PEX1: variants seen among roughly 807,000 people sequenced by gnomAD.
PEX1 encodes peroxisomal biogenesis factor 1.
PEX1 carries 97 observed loss-of-function variants against 152.5 expected under a neutral mutation model. The ratio of observed to expected loss-of-function variants is 0.64; its 90% CI spans 0.54 to 0.75. The LOEUF (loss-of-function observed/expected upper bound fraction) is 0.75. PEX1 is among the 30% of genes least tolerant of loss of function. PEX1 has a pLI of 0.00. For missense variants in PEX1, 1,357 were observed against 1,516.3 expected (o/e 0.89, Z 1.74); for synonymous variants, 485 against 531.6 (o/e 0.91, Z 1.21).
chr7:92,501,789 A>C (rs1255924776), intron 14 of PEX1, 101 bp downstream of exon 14: 1 of 1,364,432 alleles, frequency 7.3e-7, no homozygotes, highest in East Asian at 2.3e-5. Context: ...CTGCTTATTC[A>C]AATACTACAA....
chr7:92,522,708 A>G (rs554114335), intron 1 of PEX1, among the ~76,000 whole-genome samples: 6 of 152,356 alleles, frequency 3.9e-5, no homozygotes, highest in African/African-American at 7.2e-5. Context: ...CTATTTTAAC[A>G]TATACGTTAA....
At position 92,518,236 on chromosome 7, in the gene PEX1, A is replaced by G; in HGVS notation, c.377T>C (p.Leu126Pro). Reference sequence around the variant, plus strand: ...AATTTGATCTAGAAGATGTTGTTCAAGGGAAACAGCATGCAGCTCCTAGAA... The same window carrying G: ...AATTTGATCTAGAAGATGTTGTTCAGGGGAAACAGCATGCAGCTCCTAGAA... ...WEILELHAVSLEQHLLDQIRI... is the reference protein window; with the variant it reads ...WEILELHAVSPEQHLLDQIRI... Residue 126 changes from leucine (L) to proline (P), a missense_variant, in exon 4 of 24, where the codon CTT (leucine) becomes CCT (proline). Physicochemically the swap from Leu to Pro is moderately conservative, Grantham distance 98 (BLOSUM62 -3). Transcript: ENST00000248633. 1 of 1,610,654 alleles carries G rather than the reference A, an allele frequency of 6.2e-7. No individual in the cohort carries two copies. Among genetic ancestry groups the G allele is most frequent in the Non-Finnish European group, 8.5e-7 (1 of 1,176,804 alleles).
intron 1 of PEX1, among the ~76,000 whole-genome samples, chr7:92,525,670 A>G (rs1184813198): frequency 6.6e-6 from 1 of 152,222 alleles, no homozygotes; most frequent in Non-Finnish European, 1.5e-5. Flanking sequence ...AGCCCCCAAA[A>G]CAAAAAATTA....
intron 20 of PEX1, among the ~76,000 whole-genome samples, chr7:92,492,611 A>AT (rs1791397994): frequency 6.6e-6 from 1 of 152,206 alleles, no homozygotes; most frequent in African/African-American, 2.4e-5. Context: ...TTAACTGATT[A>AT]TTTTTTAAAA....
chr7:92,518,758 C>T (rs1442889080), intron 3 of PEX1, among the ~76,000 whole-genome samples: 16 of 151,994 alleles, frequency 1.1e-4, no homozygotes, highest in African/African-American at 1.7e-4. Flanking sequence ...TTAGTAGATA[C>T]GGGGTTTCAC....
At chr7:92,508,658 C>A (rs1278769442) in intron 9 of PEX1, among the ~76,000 whole-genome samples, 1 of 152,102 alleles carries the variant, frequency 6.6e-6, no homozygotes, top group Non-Finnish European at 1.5e-5. Flanking sequence ...GAAATCAAAT[C>A]CCTACTACTA....
intron 20 of PEX1, among the ~76,000 whole-genome samples, chr7:92,492,676 T>G (rs2116071846): frequency 6.6e-6 from 1 of 152,350 alleles, no homozygotes; most frequent in East Asian, 1.9e-4. Context: ...AGTATTTAAT[T>G]CATGGTATCC....
chr7:92,519,766 C>T (rs1324677254), intron 2 of PEX1, among the ~76,000 whole-genome samples: 3 of 152,120 alleles, frequency 2.0e-5, no homozygotes, highest in Non-Finnish European at 4.4e-5. Context: ...TAATACCCTC[C>T]TATTATAGTT....
chr7:92,504,815 T>G lies in PEX1; in HGVS notation c.1988A>C (p.Asp663Ala). 1 of 1,614,020 alleles carries G rather than the reference T, an allele frequency of 6.2e-7. No homozygotes were observed. Among genetic ancestry groups the G allele is most frequent in the Non-Finnish European group, 8.5e-7 (1 of 1,179,904 alleles). ...WMQPSVVLLDDLDLIAGLPAV... is the reference protein window; with the variant it reads ...WMQPSVVLLDALDLIAGLPAV... ...AGGCAGTCCAGCAATGAGGTCAAGG[T>G]CATCCAGCAGGACAACAGATGGCTG... is the stretch of plus-strand genomic sequence containing the variant. The change falls in exon 12 of 24, where the codon GAC becomes GCC. Residue 663 changes from aspartate to alanine, a missense_variant. By Grantham distance (126) the Asp-to-Ala change is moderately radical. Coordinates refer to ENST00000248633, the MANE Select transcript of PEX1 (RefSeq NM_000466.3).
chr7:92,487,406 T>C lies in PEX1; in HGVS notation c.*51A>G, dbSNP rs769635792. 1.1e-6 allele frequency: 1 copy of C among 945,416 alleles called. No homozygotes were observed. The highest frequency in any genetic ancestry group is 2.0e-5 in the Admixed American group (1 of 50,856). The allele number at this position is 945,416 out of a possible 1,614,324, so 58.6% of individuals were successfully genotyped here. On this transcript the variant is annotated 3_prime_UTR_variant, in exon 24 of 24. Coordinates refer to ENST00000248633, the MANE Select transcript of PEX1 (RefSeq NM_000466.3). ...ACCATTTTTTTCCTGTTACAACATA[T>C]GGAAAAGCCATCAAAAAACTTAACA... is the stretch of plus-strand genomic sequence containing the variant.
In PEX1 at chr7:92,506,430, C is replaced by T. The variant is rs148189239; in HGVS notation, c.1804-86G>A. 4,167 of 873,336 alleles carry T rather than the reference C, an allele frequency of 4.8e-3. 15 individuals are homozygous for T. Among genetic ancestry groups the T allele is most frequent in the Middle Eastern group, 6.3e-3 (29 of 4,628 alleles). 54.1% of individuals were successfully genotyped at this position (873,336 alleles called of 1,614,324 possible). A position where few individuals can be genotyped will look rare whatever the true frequency, so the allele number is the denominator to read the frequency against. ...CATTGTGGCAACCACCAAGATTCAG[C>T]CTCAATTTTATACAACCTCTTCCAA... On this transcript the variant is annotated intron_variant, in intron 10 of 23. Coordinates refer to ENST00000248633, the MANE Select transcript of PEX1 (RefSeq NM_000466.3).
intron 1 of PEX1, among the ~76,000 whole-genome samples, chr7:92,526,058 A>G (rs1416563683): frequency 6.6e-6 from 1 of 152,180 alleles, no homozygotes; most frequent in East Asian, 1.9e-4. Context: ...TGAGCTATAG[A>G]CAAGAGGGCA....
chr7:92,515,529 C>T (rs1007903181), intron 5 of PEX1, among the ~76,000 whole-genome samples: 2 of 152,126 alleles, frequency 1.3e-5, no homozygotes, highest in Admixed American at 1.3e-4. Flanking sequence ...ATCTTAATCA[C>T]AGGACTTTAC....
chr7:92,513,906 G>A lies in PEX1; in HGVS notation c.1301C>T (p.Pro434Leu), dbSNP rs1278282317. 1 of 1,594,548 alleles carries A rather than the reference G, an allele frequency of 6.3e-7. No homozygotes were observed. The highest frequency in any genetic ancestry group is 8.6e-7 in the Non-Finnish European group (1 of 1,162,898). ...IEMHAVVRIT[P>L]VEVTPKIPRS... ...TGGAATTTTAGGGGTAACTTCCACT[G>A]GAGTTATCCTGACTACGGCATGCAT... The change falls in exon 6 of 24, where the codon CCA (proline) becomes CTA (leucine). Residue 434 changes from proline (P) to leucine (L), a missense_variant. By Grantham distance (98) the Pro-to-Leu change is moderately conservative (BLOSUM62 -3). Coordinates refer to ENST00000248633, the MANE Select transcript of PEX1 (RefSeq NM_000466.3).
At position 92,518,854 on chromosome 7, in the gene PEX1, G is replaced by A. The variant is rs1157153316; in HGVS notation, c.357+141C>T. On this transcript the variant is annotated intron_variant, in intron 3 of 23. Transcript: ENST00000248633. ...CAAAGTGCTGGGACTATAGGCATGA[G>A]CTACTGTGCCTGGCCCCAATTCATT... is the stretch of plus-strand genomic sequence containing the variant. 8.5e-6 allele frequency: 6 copies of A among 706,238 alleles called. No individual in the cohort carries two copies. In the East Asian group the frequency reaches 1.4e-4, roughly 16 times the overall value. 43.7% of individuals were successfully genotyped at this position (706,238 alleles called of 1,614,324 possible).
At chr7:92,489,219 C>T (rs912670552) in intron 23 of PEX1, 74 bp downstream of exon 23, 90 of 1,291,366 alleles carry the variant, frequency 7.0e-5, no homozygotes, top group Non-Finnish European at 1.8e-5. Context: ...TAAACACGAA[C>T]TTTAAAGGTT....
intron 8 of PEX1, among the ~76,000 whole-genome samples, chr7:92,509,762 G>A (rs570411460): frequency 3.7e-4 from 56 of 152,248 alleles, no homozygotes; most frequent in African/African-American, 1.3e-3. Flanking sequence ...ACAATGTCTA[G>A]TTCCAAAACA....
At chr7:92,508,307 T>G (rs976338662) in intron 9 of PEX1, among the ~76,000 whole-genome samples, 3 of 152,088 alleles carry the variant, frequency 2.0e-5, no homozygotes, top group Non-Finnish European at 4.4e-5. Context: ...TCCCAGCACT[T>G]TGGGAGGCTG....
At chr7:92,503,227 G>A (rs1205592144) in intron 12 of PEX1, 32 bp from the exon 13 acceptor site, 2 of 1,595,144 alleles carry the variant, frequency 1.3e-6, no homozygotes, top group East Asian at 2.2e-5. Context: ...CAAAAGCTTA[G>A]GAAAAGTAAA....
Sources: gnomAD v4.1 joint callset for allele counts (sites outside exome capture counted in the v4.1 genomes callset) on GRCh38, gnomAD v4.1.1 for gene constraint, MANE v1.5 for transcripts, NCBI Gene and HGNC (gene_info 2026-07-23, HGNC 2026-07-21) for gene names.